CNTN4: variants seen among roughly 807,000 people sequenced by gnomAD.
The protein encoded by CNTN4 is contactin 4.
A neutral mutation model predicts 122.5 loss-of-function variants in CNTN4; 77 were observed. The ratio of observed to expected loss-of-function variants is 0.63; its 90% CI spans 0.52 to 0.76. The LOEUF is 0.76. CNTN4 is among the 30% of genes least tolerant of loss of function. The pLI is 0.00. For missense variants in CNTN4, 1,256 were observed against 1,259.1 expected (o/e 1.00, Z 0.04); for synonymous variants, 512 against 447.0 (o/e 1.15, Z -1.83).
At chr3:2,710,006 T>C (rs372688663) in intron 4 of CNTN4, among the ~76,000 whole-genome samples, 13 of 152,350 alleles carry the variant, frequency 8.5e-5, no homozygotes, top group African/African-American at 2.9e-4. Context: ...AAATTGTCGC[T>C]CTATAGATGT....
At chr3:2,701,798 T>A (rs1419495251) in intron 4 of CNTN4, among the ~76,000 whole-genome samples, 1 of 152,194 alleles carries the variant, frequency 6.6e-6, no homozygotes, top group African/African-American at 2.4e-5. Context: ...ATTATTAGAT[T>A]GCTGCAAAAG....
In CNTN4 at chr3:2,123,520, G is replaced by A. The variant is rs541051648; in HGVS notation, c.-145+22881G>A. ...CAGCTTTTGCACCCCTGTACTTAGA[G>A]GGATGCTCAGATGCTCAGATGTCTT... On this transcript the variant is annotated intron_variant, in intron 2 of 24. Transcript: ENST00000418658. Among the ~76,000 whole-genome samples the A allele has an allele frequency of 8.5e-5, 13 of 152,234 alleles. No individual in the cohort carries two copies. In the South Asian group the frequency reaches 2.5e-3, roughly 29 times the overall value.
At chr3:2,199,813 T>G (rs975252056) in intron 2 of CNTN4, among the ~76,000 whole-genome samples, 4 of 152,130 alleles carry the variant, frequency 2.6e-5, no homozygotes. Context: ...TTAGGTTAGG[T>G]AGTTGGTGTA....
At chr3:2,286,155 G>A (rs954631363) in intron 2 of CNTN4, among the ~76,000 whole-genome samples, 14 of 151,300 alleles carry the variant, frequency 9.3e-5, no homozygotes, top group Middle Eastern at 3.4e-3. Context: ...TAATTCTACT[G>A]GTAGGTTGAA....
At chr3:3,041,180 G>A (rs924214082) in intron 20 of CNTN4, 15 of 152,304 alleles carry the variant, frequency 9.8e-5, no homozygotes, top group African/African-American at 3.4e-4. Context: ...TTGATTTAGA[G>A]TCAGTGAAGA....
intron 2 of CNTN4, among the ~76,000 whole-genome samples, chr3:2,101,210 A>G (rs766938195): frequency 6.6e-6 from 1 of 152,158 alleles, no homozygotes; most frequent in Non-Finnish European, 1.5e-5. Context: ...GTTCAAAAGT[A>G]GGTCTTCTGA....
At chr3:3,005,165 T>A (rs1696491883) in intron 14 of CNTN4, among the ~76,000 whole-genome samples, 1 of 152,224 alleles carries the variant, frequency 6.6e-6, no homozygotes, top group African/African-American at 2.4e-5. Flanking sequence ...GGTGGCTGAT[T>A]AAGTCAGTGA....
chr3:2,394,736 A>T (rs2046574540), intron 3 of CNTN4, among the ~76,000 whole-genome samples: 1 of 149,700 alleles, frequency 6.7e-6, no homozygotes, highest in South Asian at 2.1e-4. Context: ...TACACAAAGG[A>T]GTTTTTCCAA....
At chr3:2,951,262 G>T (rs1402586430) in intron 13 of CNTN4, among the ~76,000 whole-genome samples, 2 of 152,174 alleles carry the variant, frequency 1.3e-5, no homozygotes, top group South Asian at 4.1e-4. Context: ...GGCGGGTGGG[G>T]TGGGAGGTGG....
chr3:2,708,735 A>T (rs1398153424), intron 4 of CNTN4, among the ~76,000 whole-genome samples: 39 of 20,610 alleles, frequency 1.9e-3, no homozygotes, highest in African/African-American at 4.3e-3. Flanking sequence ...CATCACACAC[A>T]CACACACACA....
chr3:2,226,881 T>C (rs2039304597), intron 2 of CNTN4, among the ~76,000 whole-genome samples: 1 of 152,196 alleles, frequency 6.6e-6, no homozygotes, highest in South Asian at 2.1e-4. Context: ...TTTAAAAATA[T>C]TAACTACTTT....
intron 2 of CNTN4, among the ~76,000 whole-genome samples, chr3:2,153,406 A>T (rs2035579047): frequency 6.6e-6 from 1 of 152,254 alleles, no homozygotes; most frequent in Admixed American, 6.5e-5. Flanking sequence ...TGTCAAAGGC[A>T]ACTGCCAAGA....
At chr3:2,309,471 A>T (rs1029215080) in intron 2 of CNTN4, among the ~76,000 whole-genome samples, 2 of 152,188 alleles carry the variant, frequency 1.3e-5, no homozygotes, top group African/African-American at 4.8e-5. Context: ...ATTACAAAGT[A>T]ATATTGATGC....
intron 2 of CNTN4, among the ~76,000 whole-genome samples, chr3:2,147,445 C>T (rs1024197788): frequency 2.0e-5 from 3 of 152,108 alleles, no homozygotes; most frequent in Non-Finnish European, 2.9e-5. Flanking sequence ...AGACCAGAAG[C>T]TAGGGGCTCG....
At chr3:2,947,545 A>T (rs377636802) in intron 13 of CNTN4, among the ~76,000 whole-genome samples, 1 of 152,208 alleles carries the variant, frequency 6.6e-6, no homozygotes, top group African/African-American at 2.4e-5. Flanking sequence ...TTATTTTACC[A>T]TGAATGGTTA....
At chr3:2,732,440 C>T (rs989262308) in intron 4 of CNTN4, among the ~76,000 whole-genome samples, 1 of 151,694 alleles carries the variant, frequency 6.6e-6, no homozygotes, top group African/African-American at 2.4e-5. Flanking sequence ...CTGCGATGCT[C>T]TTTACCTCTT....
chr3:2,701,139 C>T (rs182786607), intron 4 of CNTN4, among the ~76,000 whole-genome samples: 4 of 152,170 alleles, frequency 2.6e-5, no homozygotes, highest in African/African-American at 7.2e-5. Context: ...ATGTCTGGTA[C>T]TCCCTTATTT....
chr3:2,135,703 T>A (rs1015382047), intron 2 of CNTN4, among the ~76,000 whole-genome samples: 4 of 152,116 alleles, frequency 2.6e-5, no homozygotes, highest in African/African-American at 4.8e-5. Flanking sequence ...AACCTTATGA[T>A]GTAAAATACA....
At chr3:2,536,906 C>T (rs1398716371) in intron 3 of CNTN4, among the ~76,000 whole-genome samples, 3 of 151,914 alleles carry the variant, frequency 2.0e-5, no homozygotes, top group Admixed American at 2.0e-4. Flanking sequence ...CTTTGGTGCT[C>T]GATCATTGTG....
Sources: allele counts gnomAD v4.1 joint callset (sites outside exome capture counted in the v4.1 genomes callset), GRCh38; gene constraint gnomAD v4.1.1; transcripts MANE v1.5; gene names NCBI Gene and HGNC (gene_info 2026-07-23, HGNC 2026-07-21).